Variants in KCNQ3 observed in about 807,000 individuals in gnomAD.
The protein encoded by KCNQ3 is potassium voltage-gated channel subfamily Q member 3.
In KCNQ3, 30 loss-of-function variants were observed where a neutral mutation model predicts 92.5. That is an observed-to-expected ratio of 0.32 (90% CI 0.24 to 0.44). KCNQ3 has a LOEUF of 0.44. Among genes scored for constraint, KCNQ3 ranks in the 20% least tolerant of loss-of-function variants. The probability of loss-of-function intolerance (pLI) is 1.00; values close to 1 mark genes in which losing one functional copy is unlikely to be tolerated. For missense variants in KCNQ3, 913 were observed against 1,140.3 expected, an observed-to-expected ratio of 0.80 and a Z score of 2.87; for synonymous variants, 450 against 468.8, an observed-to-expected ratio of 0.96 and a Z score of 0.52.
At chr8:132,278,418 G>A (rs957404007) in intron 1 of KCNQ3, among the ~76,000 whole-genome samples, 4 of 152,316 alleles carry the variant, frequency 2.6e-5, no homozygotes, top group African/African-American at 7.2e-5. Flanking sequence ...TGGTATTCCT[G>A]TCTGAAAGAG....
chr8:132,391,497 G>A (rs577908998), intron 1 of KCNQ3, among the ~76,000 whole-genome samples: 9 of 152,154 alleles, frequency 5.9e-5, no homozygotes, highest in South Asian at 2.1e-4. Flanking sequence ...GCAGGTGGCC[G>A]GGTAATGGCA....
chr8:132,198,849 T>A lies in KCNQ3; in HGVS notation c.387-12668A>T, dbSNP rs575341264. Among the ~76,000 whole-genome samples the A allele has an allele frequency of 3.9e-5, 6 of 152,264 alleles. No homozygotes were observed. The South Asian group carries it at 6.2e-4, about 16-fold the overall frequency. Reference sequence around the variant, plus strand: ...AAAACAGGAGTAACGAATTAAGGTATCTCTGTTATCTTAATATTCCTTATT... The same window carrying A: ...AAAACAGGAGTAACGAATTAAGGTAACTCTGTTATCTTAATATTCCTTATT... On this transcript the variant is annotated intron_variant, in intron 1 of 14. Transcript: ENST00000388996.
chr8:132,231,542 CAAAG>C (rs1814648603), intron 1 of KCNQ3, among the ~76,000 whole-genome samples: 1 of 152,042 alleles, frequency 6.6e-6, no homozygotes, highest in Admixed American at 6.6e-5. Context: ...TATAAAAAGA[CAAAG>C]AAACACCAGA....
chr8:132,174,392 G>A (rs1268045634), intron 5 of KCNQ3, 43 bp from the exon 6 acceptor site: 2 of 1,397,466 alleles, frequency 1.4e-6, no homozygotes, highest in Admixed American at 2.0e-5. Flanking sequence ...ACATGGAGAG[G>A]AATATCAGGA....
chr8:132,202,118 G>T (rs1827481891), intron 1 of KCNQ3, among the ~76,000 whole-genome samples: 1 of 152,104 alleles, frequency 6.6e-6, no homozygotes, highest in Admixed American at 6.6e-5. Flanking sequence ...GTGGCTGAGG[G>T]GTGCTGTGCT....
chr8:132,349,488 GTTCC>G (rs1448914016), intron 1 of KCNQ3, among the ~76,000 whole-genome samples: 1 of 152,252 alleles, frequency 6.6e-6, no homozygotes, highest in Non-Finnish European at 1.5e-5. Context: ...GGACTTCCCT[GTTCC>G]TTCAATCTGG....
intron 1 of KCNQ3, among the ~76,000 whole-genome samples, chr8:132,302,517 G>A (rs1308400867): frequency 6.6e-6 from 1 of 152,240 alleles, no homozygotes; most frequent in African/African-American, 2.4e-5. Context: ...ACAATGCCAA[G>A]GAATCTGGAC....
intron 1 of KCNQ3, among the ~76,000 whole-genome samples, chr8:132,236,884 G>A (rs575336501): frequency 7.9e-5 from 12 of 152,352 alleles, no homozygotes; most frequent in African/African-American, 2.9e-4. Context: ...CAGGGCACAT[G>A]GGTGGCCTCT....
At chr8:132,132,087 TA>T (rs533420153) in intron 14 of KCNQ3, 92 bp downstream of exon 14, 68,337 of 607,896 alleles carry the variant, frequency 0.11, no homozygotes, top group South Asian at 0.16. Flanking sequence ...ACCTTCGTCT[TA>T]AAAAAAAAAA....
chr8:132,182,882 G>GCGCGCACACA (rs1491176964), intron 3 of KCNQ3, among the ~76,000 whole-genome samples: 1 of 145,992 alleles, frequency 6.8e-6, no homozygotes, highest in African/African-American at 2.5e-5. Flanking sequence ...CTCCAATATC[G>GCGCGCACACA]CACACACACA....
At chr8:132,446,603 T>C (rs1220204916) in intron 1 of KCNQ3, among the ~76,000 whole-genome samples, 3 of 152,214 alleles carry the variant, frequency 2.0e-5, no homozygotes, top group African/African-American at 7.2e-5. Context: ...GATGAGTCTA[T>C]GTGTCAGCAA....
intron 1 of KCNQ3, among the ~76,000 whole-genome samples, chr8:132,195,422 G>A (rs1827274228): frequency 1.3e-5 from 2 of 152,204 alleles, no homozygotes; most frequent in Non-Finnish European, 2.9e-5. Flanking sequence ...GCCAGGCAAT[G>A]GCAGATATCC....
chr8:132,220,982 A>G (rs1814208506), intron 1 of KCNQ3, among the ~76,000 whole-genome samples: 1 of 152,038 alleles, frequency 6.6e-6, no homozygotes, highest in Non-Finnish European at 1.5e-5. Context: ...CCACCCCATG[A>G]CAGGCCCCGG....
At chr8:132,442,612 G>A (rs1468493142) in intron 1 of KCNQ3, among the ~76,000 whole-genome samples, 1 of 152,128 alleles carries the variant, frequency 6.6e-6, no homozygotes, top group African/African-American at 2.4e-5. Flanking sequence ...CCAACAAGGT[G>A]GGCCAGATTT....
chr8:132,293,712 G>A (rs906183026), intron 1 of KCNQ3, among the ~76,000 whole-genome samples: 2 of 152,144 alleles, frequency 1.3e-5, no homozygotes, highest in Admixed American at 6.5e-5. Context: ...GTGTTGGGTG[G>A]GGAGGCGTGT....
At chr8:132,175,075 T>C (rs1309967147) in intron 5 of KCNQ3, among the ~76,000 whole-genome samples, 2 of 152,368 alleles carry the variant, frequency 1.3e-5, no homozygotes, top group East Asian at 3.9e-4. Context: ...GCTTTAGTAC[T>C]GTGTGTCCTT....
chr8:132,162,065 C>T (rs756159448), intron 9 of KCNQ3, among the ~76,000 whole-genome samples: 1 of 152,202 alleles, frequency 6.6e-6, no homozygotes, highest in Non-Finnish European at 1.5e-5. Flanking sequence ...GATTTTCCCT[C>T]TGTGCTCTTG....
intron 1 of KCNQ3, among the ~76,000 whole-genome samples, chr8:132,334,072 G>T (rs1818301165): frequency 2.0e-5 from 3 of 152,152 alleles, no homozygotes; most frequent in Admixed American, 2.0e-4. Context: ...ACATGTACCA[G>T]CTGGGAAGTC....
chr8:132,196,015 C>T (rs1029830158), intron 1 of KCNQ3, among the ~76,000 whole-genome samples: 1 of 152,186 alleles, frequency 6.6e-6, no homozygotes, highest in African/African-American at 2.4e-5. Context: ...AATAGATCTC[C>T]AGATACCTAA....
Sources: allele counts gnomAD v4.1 joint callset (sites outside exome capture counted in the v4.1 genomes callset), GRCh38; gene constraint gnomAD v4.1.1; transcripts MANE v1.5; gene names NCBI Gene and HGNC (gene_info 2026-07-23, HGNC 2026-07-21).